Variants in KCNAB1 observed in about 807,000 individuals in gnomAD.
KCNAB1 encodes the protein potassium voltage-gated channel subfamily A regulatory beta subunit 1.
In KCNAB1, 35 loss-of-function variants were observed where a neutral mutation model predicts 64.6. The observed-to-expected ratio is 0.54, with a 90% CI of 0.41 to 0.72. The LOEUF (loss-of-function observed/expected upper bound fraction) is 0.72. Ranked by LOEUF, KCNAB1 falls within the 30% of genes least tolerant of loss-of-function variation. The pLI is 0.00. For synonymous variants in KCNAB1, 177 were observed against 183.8 expected (o/e 0.96, Z 0.30); for missense variants, 401 against 512.9 (o/e 0.78, Z 2.11).
At chr3:156,317,533 T>C (rs1253074548) in intron 1 of KCNAB1, among the ~76,000 whole-genome samples, 2 of 152,080 alleles carry the variant, frequency 1.3e-5, no homozygotes, top group Non-Finnish European at 2.9e-5. Context: ...TGGTAATAGC[T>C]TTGATGTTTT....
intron 1 of KCNAB1, among the ~76,000 whole-genome samples, chr3:156,162,807 T>G (rs1716161022): frequency 6.6e-6 from 1 of 152,132 alleles, no homozygotes. Context: ...TGAAAACCAC[T>G]CTTTACCTCC....
chr3:156,418,737 A>G (rs966932162), intron 1 of KCNAB1, among the ~76,000 whole-genome samples: 2 of 152,242 alleles, frequency 1.3e-5, no homozygotes, highest in Non-Finnish European at 2.9e-5. Flanking sequence ...ATGCACACAG[A>G]GACCCAGATA....
intron 1 of KCNAB1, among the ~76,000 whole-genome samples, chr3:156,340,176 C>T (rs1318221575): frequency 6.6e-6 from 1 of 152,098 alleles, no homozygotes; most frequent in Non-Finnish European, 1.5e-5. Context: ...CCTCAGTATC[C>T]TTTCCTAGAG....
At chr3:156,342,622 T>A (rs942079982) in intron 1 of KCNAB1, among the ~76,000 whole-genome samples, 1 of 138,354 alleles carries the variant, frequency 7.2e-6, no homozygotes, top group African/African-American at 3.1e-5. Context: ...TTTTTTTTTT[T>A]TATTATACTC....
chr3:156,176,239 G>T, intron 1 of KCNAB1: 1 of 792,846 alleles, frequency 1.3e-6, no homozygotes, highest in East Asian at 2.4e-5. Flanking sequence ...CATGGTGTAG[G>T]TTAGTTTGTT....
chr3:156,200,367 T>G (rs994150321), intron 1 of KCNAB1, among the ~76,000 whole-genome samples: 4 of 152,248 alleles, frequency 2.6e-5, no homozygotes, highest in African/African-American at 9.6e-5. Context: ...GGAGATCCAC[T>G]GCTCTCTTCA....
chr3:156,173,139 A>G (rs1712119777), intron 1 of KCNAB1, among the ~76,000 whole-genome samples: 1 of 152,216 alleles, frequency 6.6e-6, no homozygotes, highest in South Asian at 2.1e-4. Flanking sequence ...CACTGCGGTC[A>G]ACAGGCAGTG....
chr3:156,416,505 C>T (rs565753607), intron 1 of KCNAB1, among the ~76,000 whole-genome samples: 14 of 152,176 alleles, frequency 9.2e-5, no homozygotes, highest in Non-Finnish European at 1.6e-4. Flanking sequence ...TTAAATATTA[C>T]TTCCCTAGAG....
intron 1 of KCNAB1, among the ~76,000 whole-genome samples, chr3:156,353,223 T>A (rs1167919350): frequency 6.6e-6 from 1 of 152,152 alleles, no homozygotes; most frequent in Non-Finnish European, 1.5e-5. Context: ...GGAGCTTGAG[T>A]CTTCAGGCTT....
chr3:156,376,408 A>G (rs1027648390), intron 1 of KCNAB1, among the ~76,000 whole-genome samples: 1 of 152,228 alleles, frequency 6.6e-6, no homozygotes, highest in Admixed American at 6.5e-5. Flanking sequence ...AAGGTCAGCA[A>G]AGACTACAAA....
At chr3:156,119,401 T>C (rs2108247563), upstream of KCNAB1, among the ~76,000 whole-genome samples, 1 of 152,344 alleles carries the variant, frequency 6.6e-6, no homozygotes, top group East Asian at 1.9e-4. Context: ...TATGACAGCC[T>C]ATTGACAGAC....
intron 10 of KCNAB1, 52 bp downstream of exon 10, chr3:156,515,272 T>C (rs1288271207): frequency 2.6e-6 from 4 of 1,525,020 alleles, no homozygotes; most frequent in Admixed American, 3.9e-5. Context: ...GAAAGATCAC[T>C]GATTCGGGGA....
rs1446354245 is a variant in KCNAB1, at chr3:156,242,222, TTTA to T, written c.275+121348_275+121350del. ...GGGAAATGTTCCTAAATTATTTTGT[TTTA>T]TTATTATTATTTGCTACATTTTCTC... On this transcript the variant is annotated intron_variant, in intron 1 of 13. Coordinates refer to ENST00000490337, the MANE Select transcript of KCNAB1 (RefSeq NM_172160.3). Among the ~76,000 whole-genome samples the T allele has an allele frequency of 2.0e-5, 3 of 152,310 alleles. No homozygotes were observed. The East Asian group carries it at 5.8e-4, about 29-fold the overall frequency.
chr3:156,129,342 T>C (rs1713854295), intron 1 of KCNAB1, among the ~76,000 whole-genome samples: 1 of 152,248 alleles, frequency 6.6e-6, no homozygotes, highest in African/African-American at 2.4e-5. Flanking sequence ...TGTGGTGATA[T>C]CATACCATGA....
At chr3:156,386,039 A>C (rs1014339281) in intron 1 of KCNAB1, among the ~76,000 whole-genome samples, 1 of 152,222 alleles carries the variant, frequency 6.6e-6, no homozygotes, top group Non-Finnish European at 1.5e-5. Context: ...CAGTGAATCC[A>C]TACAGGTCTC....
intron 1 of KCNAB1, among the ~76,000 whole-genome samples, chr3:156,182,113 G>A (rs1002103049): frequency 6.6e-6 from 1 of 152,002 alleles, no homozygotes; most frequent in African/African-American, 2.4e-5. Context: ...TTAGTGTGAG[G>A]TATCCATGTT....
intron 1 of KCNAB1, among the ~76,000 whole-genome samples, chr3:156,155,941 A>C (rs1349974792): frequency 2.6e-5 from 4 of 152,176 alleles, no homozygotes; most frequent in Non-Finnish European, 4.4e-5. Context: ...AGTTGTGTGG[A>C]TAGTGCTTAT....
chr3:156,290,570 T>C (rs1720342753), intron 1 of KCNAB1, among the ~76,000 whole-genome samples: 1 of 152,200 alleles, frequency 6.6e-6, no homozygotes, highest in African/African-American at 2.4e-5. Context: ...TATTCCTGCC[T>C]CATGTGGGTT....
chr3:156,451,564 G>A (rs1259560959), intron 2 of KCNAB1, among the ~76,000 whole-genome samples: 1 of 143,096 alleles, frequency 7.0e-6, no homozygotes, highest in Admixed American at 6.6e-5. Flanking sequence ...TTAGTATACT[G>A]TCTGGCATTT....
Sources: allele counts gnomAD v4.1 joint callset (sites outside exome capture counted in the v4.1 genomes callset), GRCh38; gene constraint gnomAD v4.1.1; transcripts MANE v1.5; gene names NCBI Gene and HGNC (gene_info 2026-07-23, HGNC 2026-07-21).